The following ADAMTS20 variants were observed in gnomAD, a reference collection of about 807,000 sequenced individuals.
ADAMTS20 encodes the protein ADAM metallopeptidase with thrombospondin type 1 motif 20.
In ADAMTS20, 225 loss-of-function variants were observed where a neutral mutation model predicts 260.1. The ratio of observed to expected loss-of-function variants is 0.87; its 90% CI spans 0.78 to 0.97. The LOEUF (loss-of-function observed/expected upper bound fraction) is 0.97. Among genes scored for constraint, ADAMTS20 ranks in the 50% least tolerant of loss-of-function variants. The pLI, the probability that ADAMTS20 is intolerant of heterozygous loss-of-function variation, is 0.00. For synonymous variants in ADAMTS20, 802 were observed against 769.5 expected, an observed-to-expected ratio of 1.04 and a Z score of -0.70; for missense variants, 2,400 against 2,337.7, an observed-to-expected ratio of 1.03 and a Z score of -0.55.
At chr12:43,372,556 G>T (rs1300730211) in intron 36 of ADAMTS20, among the ~76,000 whole-genome samples, 1 of 152,176 alleles carries the variant, frequency 6.6e-6, no homozygotes, top group Non-Finnish European at 1.5e-5. Context: ...CTGGTCAGTG[G>T]CTGGCTGGAA....
chr12:43,515,198 T>C (rs759966723), intron 3 of ADAMTS20, among the ~76,000 whole-genome samples: 12 of 152,232 alleles, frequency 7.9e-5, no homozygotes, highest in Non-Finnish European at 1.5e-4. Flanking sequence ...GTACTAAGAA[T>C]TCTAAAATAC....
intron 37 of ADAMTS20, among the ~76,000 whole-genome samples, chr12:43,368,292 T>G (rs1382994441): frequency 6.6e-6 from 1 of 152,056 alleles, no homozygotes; most frequent in African/African-American, 2.4e-5. Context: ...CCTAAAGGAG[T>G]CATACTGAAC....
At chr12:43,532,569 T>C (rs1183916111) in intron 2 of ADAMTS20, among the ~76,000 whole-genome samples, 24 of 147,422 alleles carry the variant, frequency 1.6e-4, no homozygotes, top group African/African-American at 6.0e-4. Flanking sequence ...TTTTTTTTAT[T>C]ATACTCTAAG....
rs576881905 is a variant in ADAMTS20 at position 43,441,074 on chromosome 12, A to C, written c.2291-1005T>G. Among the ~76,000 whole-genome samples the C allele has an allele frequency of 2.5e-3, 365 of 143,468 alleles. 2 individuals carry two copies. The highest frequency in any genetic ancestry group is 4.2e-3 in the Non-Finnish European group (274 of 65,740). 94.1% of individuals were successfully genotyped at this position (143,468 alleles called of 152,430 possible). On this transcript the variant is annotated intron_variant, in intron 16 of 38. Transcript: ENST00000389420. ...AGGGAGACTCCGTCTCCAAAAAAAAAAAACAAAAAAAAAACTCTAGGGTCA... is the reference window on the plus strand; with the variant it reads ...AGGGAGACTCCGTCTCCAAAAAAAACAAACAAAAAAAAAACTCTAGGGTCA...
chr12:43,532,178 TC>T lies in ADAMTS20; in HGVS notation c.470del (p.Gly157AspfsTer8). On this transcript the variant is annotated frameshift_variant, in exon 3 of 39. Coordinates refer to ENST00000389420, the MANE Select transcript of ADAMTS20 (RefSeq NM_025003.5). LOFTEE classifies it high-confidence loss of function. Reference sequence around the variant, plus strand: ...GTTCTAAGAAATATTCACCGTTCTGTCCTTTAAATGTTCCCGTCTGAAAATA... The same window carrying T: ...GTTCTAAGAAATATTCACCGTTCTGTCTTTAAATGTTCCCGTCTGAAAATA... ...LCGGLTGTFK[G>X]QNGEYFLEPI... is the part of the protein sequence containing the mutation. The T allele has an allele frequency of 6.2e-7, 1 of 1,600,454 alleles. No individual in the cohort carries two copies.
At chr12:43,428,133 G>T in intron 26 of ADAMTS20, 108 bp downstream of exon 26, 1 of 1,132,698 alleles carries the variant, frequency 8.8e-7, no homozygotes, top group Non-Finnish European at 1.2e-6. Flanking sequence ...TATTGATCTT[G>T]AAATAAATTT....
At chr12:43,496,904 A>G (rs1314557506) in intron 4 of ADAMTS20, among the ~76,000 whole-genome samples, 4 of 152,150 alleles carry the variant, frequency 2.6e-5, no homozygotes, top group Middle Eastern at 3.2e-3. Context: ...CATTTCATGC[A>G]ACTATATGAC....
intron 29 of ADAMTS20, among the ~76,000 whole-genome samples, chr12:43,386,416 C>T (rs1004381870): frequency 6.6e-6 from 1 of 152,172 alleles, no homozygotes; most frequent in Non-Finnish European, 1.5e-5. Context: ...CTGTCCTTAA[C>T]ATTTTTTCCT....
chr12:43,448,003 AT>A (rs1489815950), intron 14 of ADAMTS20, among the ~76,000 whole-genome samples: 1 of 152,202 alleles, frequency 6.6e-6, no homozygotes, highest in African/African-American at 2.4e-5. Context: ...ACACAAACAA[AT>A]GAAAAATACT....
chr12:43,367,022 G>A (rs1940001230), intron 37 of ADAMTS20, among the ~76,000 whole-genome samples: 1 of 151,982 alleles, frequency 6.6e-6, no homozygotes, highest in Middle Eastern at 3.4e-3. Flanking sequence ...ACAAAAATTT[G>A]AATACATCTA....
chr12:43,430,293 A>T (rs1249045340), intron 23 of ADAMTS20, 59 bp downstream of exon 23: 1 of 1,525,926 alleles, frequency 6.6e-7, no homozygotes, highest in South Asian at 1.3e-5. Flanking sequence ...TAATTTTAAC[A>T]CATCAATAAT....
At chr12:43,467,206 T>A (rs1942170545) in intron 8 of ADAMTS20, among the ~76,000 whole-genome samples, 1 of 152,184 alleles carries the variant, frequency 6.6e-6, no homozygotes, top group East Asian at 1.9e-4. Flanking sequence ...TCACAAGAAC[T>A]TCGTGAATCC....
At position 43,475,823 on chromosome 12, in the gene ADAMTS20, C is replaced by A. The variant is rs1307807758; in HGVS notation, c.1118-7118G>T. On this transcript the variant is annotated intron_variant, in intron 7 of 38. Coordinates refer to ENST00000389420, the MANE Select transcript of ADAMTS20 (RefSeq NM_025003.5). Reference sequence around the variant, plus strand: ...AAGCTAAAACTGGATCCCTTCCTTACACCTTATACAAAAATCAATTTAAGA... The same window carrying A: ...AAGCTAAAACTGGATCCCTTCCTTAAACCTTATACAAAAATCAATTTAAGA... Among the ~76,000 whole-genome samples, 22 of 147,824 alleles carry A rather than the reference C, an allele frequency of 1.5e-4. No individual in the cohort carries two copies. The Admixed American group carries it at 1.5e-3, about 10-fold the overall frequency.
At chr12:43,434,032 C>CTG (rs2137312954) in intron 19 of ADAMTS20, among the ~76,000 whole-genome samples, 1 of 152,112 alleles carries the variant, frequency 6.6e-6, no homozygotes, top group African/African-American at 2.4e-5. Flanking sequence ...AATATTGAGG[C>CTG]CTATATACTG....
intron 29 of ADAMTS20, among the ~76,000 whole-genome samples, chr12:43,398,247 T>C (rs1208107710): frequency 1.3e-5 from 2 of 152,160 alleles, no homozygotes; most frequent in African/African-American, 2.4e-5. Context: ...TTCATGGCTT[T>C]TGTCCTGTCA....
At chr12:43,468,843 G>A (rs569135916) in intron 7 of ADAMTS20, 138 bp from the exon 8 acceptor site, 60 of 517,648 alleles carry the variant, frequency 1.2e-4, no homozygotes, top group African/African-American at 8.5e-4. Flanking sequence ...TTGAATAAAC[G>A]TTTTAAAAGG....
At chr12:43,543,627 AAC>A (rs1943405491) in intron 2 of ADAMTS20, among the ~76,000 whole-genome samples, 14 of 152,198 alleles carry the variant, frequency 9.2e-5, no homozygotes, top group Admixed American at 6.5e-4. Flanking sequence ...CCCCTGTGGG[AAC>A]TTTGAGTTTT....
chr12:43,484,973 A>G (rs1345244625), intron 7 of ADAMTS20, among the ~76,000 whole-genome samples: 3 of 152,190 alleles, frequency 2.0e-5, no homozygotes, highest in African/African-American at 4.8e-5. Flanking sequence ...TCGATCAGAC[A>G]TTCAAACAAG....
chr12:43,485,923 A>T (rs1321008331), intron 7 of ADAMTS20, among the ~76,000 whole-genome samples: 5 of 152,132 alleles, frequency 3.3e-5, no homozygotes, highest in Non-Finnish European at 7.4e-5. Context: ...GAAAACATAG[A>T]TGAATAATAA....
Sources: allele counts gnomAD v4.1 joint callset (sites outside exome capture counted in the v4.1 genomes callset), GRCh38; gene constraint gnomAD v4.1.1; transcripts MANE v1.5; gene names NCBI Gene and HGNC (gene_info 2026-07-23, HGNC 2026-07-21).